Variants in PCBP2 observed in about 807,000 individuals in gnomAD.
PCBP2 encodes poly(rC)-binding protein 2.
Under a neutral mutation model 50.1 loss-of-function variants are expected in PCBP2, and 4 were observed. The observed-to-expected ratio is 0.08, with a 90% CI of 0.04 to 0.18. The LOEUF is 0.18. PCBP2 is among the 10% of genes least tolerant of loss of function. The probability of loss-of-function intolerance (pLI) is 1.00; values close to 1 mark genes in which losing one functional copy is unlikely to be tolerated. For missense variants in PCBP2, 161 were observed against 474.3 expected (o/e 0.34, Z 6.14); for synonymous variants, 179 against 168.0 (o/e 1.07, Z -0.51).
intron 14 of PCBP2, 96 bp from the exon 15 acceptor site, chr12:53,479,310 A>G: frequency 2.9e-6 from 3 of 1,051,870 alleles, no homozygotes; most frequent in Non-Finnish European, 3.0e-6. Flanking sequence ...GTACTCCAGC[A>G]CTGGTTATTT....
At chr12:53,473,353 G>T (rs2137111678) in intron 14 of PCBP2, among the ~76,000 whole-genome samples, 1 of 152,344 alleles carries the variant, frequency 6.6e-6, no homozygotes, top group Middle Eastern at 3.4e-3. Flanking sequence ...AAAGTGCTGG[G>T]ATTACAGGCG....
intron 13 of PCBP2, among the ~76,000 whole-genome samples, chr12:53,470,250 C>T (rs1196400400): frequency 2.0e-5 from 3 of 151,582 alleles, no homozygotes; most frequent in African/African-American, 7.3e-5. Flanking sequence ...TGCTGGCCCG[C>T]ACCTGTAATC....
At chr12:53,453,582 G>C (rs1429005218) in intron 1 of PCBP2, among the ~76,000 whole-genome samples, 1 of 152,184 alleles carries the variant, frequency 6.6e-6, no homozygotes, top group East Asian at 1.9e-4. Flanking sequence ...TTGTGTTAGA[G>C]GAAAGTTAAC....
intron 14 of PCBP2, among the ~76,000 whole-genome samples, chr12:53,478,232 G>A (rs1382240924): frequency 1.3e-5 from 2 of 152,182 alleles, no homozygotes; most frequent in East Asian, 1.9e-4. Context: ...TTTTAAGGCC[G>A]GGTGTGGTGG....
intron 14 of PCBP2, among the ~76,000 whole-genome samples, 182 bp from the exon 15 acceptor site, chr12:53,479,224 C>T (rs1942883735): frequency 2.0e-5 from 3 of 152,142 alleles, no homozygotes; most frequent in Admixed American, 2.0e-4. Flanking sequence ...GGTAATAGAC[C>T]TCCACATGCT....
intron 2 of PCBP2, 57 bp downstream of exon 2, chr12:53,454,926 G>C: frequency 7.3e-7 from 1 of 1,376,650 alleles, no homozygotes; most frequent in Non-Finnish European, 1.0e-6. Context: ...GGGCCAGGAA[G>C]AGCAGACATG....
At chr12:53,464,111 G>A (rs761147836) in intron 8 of PCBP2, among the ~76,000 whole-genome samples, 30 of 152,188 alleles carry the variant, frequency 2.0e-4, no homozygotes, top group Non-Finnish European at 2.5e-4. Flanking sequence ...AGTCAGTGTC[G>A]CCAGAAGGAT....
intron 1 of PCBP2, 179 bp from the exon 2 acceptor site, chr12:53,454,547 T>C: frequency 2.0e-6 from 1 of 491,150 alleles, no homozygotes; most frequent in Non-Finnish European, 3.7e-6. Flanking sequence ...TTCTATACTG[T>C]GTAACAGAAC....
At chr12:53,455,548 CAA>C in intron 4 of PCBP2, 55 bp downstream of exon 4, 3 of 1,565,152 alleles carry the variant, frequency 1.9e-6, no homozygotes, top group Admixed American at 3.4e-5. Flanking sequence ...ACCTTTAAAA[CAA>C]GTGAAAATTC....
chr12:53,454,497 C>T (rs976510194), intron 1 of PCBP2: 8 of 326,738 alleles, frequency 2.4e-5, no homozygotes, highest in African/African-American at 1.5e-4. Context: ...TGAGAGTCAG[C>T]GGAAACCCTG....
intron 14 of PCBP2, among the ~76,000 whole-genome samples, chr12:53,473,450 G>A (rs563331710): frequency 6.6e-6 from 1 of 152,302 alleles, no homozygotes; most frequent in South Asian, 2.1e-4. Context: ...GCAAGAATCA[G>A]GTTTTTGAAA....
At chr12:53,463,960 G>A (rs1040941374) in intron 8 of PCBP2, among the ~76,000 whole-genome samples, 6 of 152,180 alleles carry the variant, frequency 3.9e-5, no homozygotes, top group African/African-American at 1.4e-4. Context: ...AGTTATGAGA[G>A]GTTTCACAGG....
intron 8 of PCBP2, among the ~76,000 whole-genome samples, chr12:53,463,586 A>G (rs1310961522): frequency 6.6e-6 from 1 of 152,264 alleles, no homozygotes; most frequent in Non-Finnish European, 1.5e-5. Context: ...CTTAGGTTAT[A>G]TGCAAGTACT....
chr12:53,468,998 G>A (rs945236821), intron 13 of PCBP2, among the ~76,000 whole-genome samples, 166 bp downstream of exon 13: 3 of 151,288 alleles, frequency 2.0e-5, no homozygotes, highest in Non-Finnish European at 4.4e-5. Context: ...CGCCTCCCGG[G>A]TTCAACCAAT....
chr12:53,467,996 G>C lies in PCBP2; in HGVS notation c.826+153G>C, dbSNP rs1396662413. On this transcript the variant is annotated intron_variant, in intron 12 of 14. Coordinates refer to ENST00000546463, the MANE Select transcript of PCBP2 (RefSeq NM_031989.5). The stretch of plus-strand genomic sequence containing the variant: ...AAGGGGTGGGCCTGGAGCCCCCGAG[G>C]GTCCCTTGATGGATCTGGCCAACCC... 6.1e-6 allele frequency: 4 copies of C among 654,260 alleles called. No individual in the cohort carries two copies. In the Admixed American group the frequency reaches 7.9e-5, roughly 13 times the overall value. The allele number at this position is 654,260 out of a possible 1,614,324, so 40.5% of individuals were successfully genotyped here.
At chr12:53,472,273 C>T (rs1437475527) in intron 14 of PCBP2, among the ~76,000 whole-genome samples, 1 of 152,150 alleles carries the variant, frequency 6.6e-6, no homozygotes, top group Non-Finnish European at 1.5e-5. Context: ...TGGAAACACC[C>T]ATTTTTCTCA....
intron 8 of PCBP2, among the ~76,000 whole-genome samples, chr12:53,463,945 C>T (rs549858366): frequency 6.6e-6 from 1 of 152,230 alleles, no homozygotes; most frequent in East Asian, 1.9e-4. Flanking sequence ...TTTAGTTTGT[C>T]GTGTAGTTAT....
chr12:53,473,197 C>T (rs1170384057), intron 14 of PCBP2, among the ~76,000 whole-genome samples: 1 of 151,924 alleles, frequency 6.6e-6, no homozygotes, highest in Admixed American at 6.6e-5. Flanking sequence ...GATTCTCCTG[C>T]CTCAGCCTCC....
intron 12 of PCBP2, chr12:53,468,417 T>TA (rs987026767): frequency 2.9e-5 from 8 of 275,610 alleles, no homozygotes; most frequent in Non-Finnish European, 4.8e-5. Flanking sequence ...TCAGGTGAGA[T>TA]ACAATTTGGA....
Sources: allele counts gnomAD v4.1 joint callset (sites outside exome capture counted in the v4.1 genomes callset), GRCh38; gene constraint gnomAD v4.1.1; transcripts MANE v1.5; gene names NCBI Gene and HGNC (gene_info 2026-07-23, HGNC 2026-07-21).